Variants in VSNL1 observed in about 807,000 individuals in gnomAD.
The protein encoded by VSNL1 is visinin-like protein 1.
A neutral mutation model predicts 20.4 loss-of-function variants in VSNL1; 6 were observed. That is an observed-to-expected ratio of 0.29 (90% CI 0.16 to 0.58). The LOEUF (loss-of-function observed/expected upper bound fraction) is 0.58, where lower values mean the gene tolerates loss of function less well. Among genes scored for constraint, VSNL1 ranks in the 20% least tolerant of loss-of-function variants. The pLI is 0.90. For synonymous variants in VSNL1, 93 were observed against 86.4 expected (o/e 1.08, Z -0.42); for missense variants, 100 against 234.5 (o/e 0.43, Z 3.75).
At chr2:17,599,822 G>C (rs1664786554) in intron 2 of VSNL1, among the ~76,000 whole-genome samples, 1 of 152,224 alleles carries the variant, frequency 6.6e-6, no homozygotes, top group Admixed American at 6.5e-5. Flanking sequence ...GAGTCACTCA[G>C]CCCAGCCTTC....
chr2:17,628,611 C>T (rs1181751865), intron 2 of VSNL1, among the ~76,000 whole-genome samples: 2 of 152,142 alleles, frequency 1.3e-5, no homozygotes, highest in African/African-American at 4.8e-5. Flanking sequence ...ATGTGGTTTC[C>T]AAGTTGTTAG....
intron 2 of VSNL1, among the ~76,000 whole-genome samples, chr2:17,630,713 AAAT>A (rs1343533081): frequency 1.3e-5 from 2 of 152,236 alleles, no homozygotes; most frequent in African/African-American, 4.8e-5. Flanking sequence ...CCAAATAAAG[AAAT>A]AATAACTAGT....
At chr2:17,611,770 C>G (rs1024843641) in intron 2 of VSNL1, among the ~76,000 whole-genome samples, 1 of 152,202 alleles carries the variant, frequency 6.6e-6, no homozygotes, top group African/African-American at 2.4e-5. Flanking sequence ...CACTGCTATA[C>G]TCTTGTCCTG....
At chr2:17,593,921 A>G (rs1267650439) in intron 2 of VSNL1, among the ~76,000 whole-genome samples, 1 of 152,230 alleles carries the variant, frequency 6.6e-6, no homozygotes, top group African/African-American at 2.4e-5. Flanking sequence ...CAAAGAAAGT[A>G]CAGACAAACA....
At chr2:17,550,527 T>C (rs868495302) in intron 1 of VSNL1, among the ~76,000 whole-genome samples, 7 of 152,314 alleles carry the variant, frequency 4.6e-5, no homozygotes, top group South Asian at 4.1e-4. Context: ...CAAGCTCACG[T>C]GTTTGCTCTA....
intron 2 of VSNL1, among the ~76,000 whole-genome samples, chr2:17,592,646 T>C (rs1241885272): frequency 5.5e-4 from 1 of 1,832 alleles, no homozygotes; most frequent in Non-Finnish European, 8.2e-3. Flanking sequence ...CTCTCTTTTT[T>C]TTTTTTTTTT....
In VSNL1 at chr2:17,655,188, T is replaced by C. The variant is rs2103435618; in HGVS notation, c.379-9T>C. ...TGGTAATATCACCTACAATGCTTTT[T>C]TCCCCAAGGCTATCTACAAAATGGT... On this transcript the variant is annotated splice_polypyrimidine_tract_variant and intron_variant, in intron 3 of 3. Coordinates refer to ENST00000295156, the MANE Select transcript of VSNL1 (RefSeq NM_003385.5). This position sits in a 1 kb window ranked among gnomAD's most constrained non-coding sequence, Gnocchi z 5.2. 2 of 1,613,346 alleles carry C rather than the reference T, an allele frequency of 1.2e-6. No individual in the cohort carries two copies. Among genetic ancestry groups the C allele is most frequent in the East Asian group, 2.2e-5 (1 of 44,870 alleles).
intron 2 of VSNL1, among the ~76,000 whole-genome samples, chr2:17,612,839 C>T (rs2103394857): frequency 6.6e-6 from 1 of 152,302 alleles, no homozygotes; most frequent in South Asian, 2.1e-4. Flanking sequence ...TACATTCACT[C>T]CCTCAAGGAA....
chr2:17,547,926 A>G (rs927965776), intron 1 of VSNL1, among the ~76,000 whole-genome samples: 1 of 152,102 alleles, frequency 6.6e-6, no homozygotes, highest in African/African-American at 2.4e-5. Flanking sequence ...TTCAATAAAA[A>G]ACGTTTCAGG....
intron 2 of VSNL1, among the ~76,000 whole-genome samples, chr2:17,643,943 G>A (rs1336760356): frequency 3.3e-5 from 5 of 152,254 alleles, no homozygotes; most frequent in African/African-American, 1.2e-4. Flanking sequence ...ACAGAGGTGG[G>A]GACCAGACAC....
chr2:17,636,720 CTA>C (rs1157311994), intron 2 of VSNL1, among the ~76,000 whole-genome samples: 3 of 52,976 alleles, frequency 5.7e-5, no homozygotes, highest in South Asian at 4.0e-4. Context: ...TTATTAAAAA[CTA>C]TTTTTTTTTT....
chr2:17,592,885 TG>T (rs1266046135), intron 2 of VSNL1, among the ~76,000 whole-genome samples: 1 of 152,060 alleles, frequency 6.6e-6, no homozygotes, highest in Non-Finnish European at 1.5e-5. Context: ...TCTACTGCAG[TG>T]GTATTGTTTT....
At chr2:17,624,798 A>G (rs921161674) in intron 2 of VSNL1, among the ~76,000 whole-genome samples, 45 of 152,236 alleles carry the variant, frequency 3.0e-4, no homozygotes, top group African/African-American at 1.0e-3. Context: ...AACTCCCAGA[A>G]CTATAAGATA....
intron 1 of VSNL1, among the ~76,000 whole-genome samples, chr2:17,556,713 A>G (rs1663686690): frequency 6.6e-6 from 1 of 152,152 alleles, no homozygotes; most frequent in Admixed American, 6.5e-5. Context: ...CTTAGGCTGA[A>G]CATTTCTTGT....
chr2:17,652,100 G>A (rs1217275281), intron 3 of VSNL1, among the ~76,000 whole-genome samples: 1 of 152,130 alleles, frequency 6.6e-6, no homozygotes, highest in African/African-American at 2.4e-5. Flanking sequence ...TCTCTACTCT[G>A]GCTGGTGGGA....
intron 1 of VSNL1, among the ~76,000 whole-genome samples, chr2:17,568,424 T>G (rs1035302076): frequency 6.6e-6 from 1 of 152,150 alleles, no homozygotes; most frequent in African/African-American, 2.4e-5. Flanking sequence ...CATGCCACTA[T>G]GCCAGACAAG....
chr2:17,581,210 C>T (rs1664341925), intron 1 of VSNL1, among the ~76,000 whole-genome samples: 1 of 152,066 alleles, frequency 6.6e-6, no homozygotes, highest in Non-Finnish European at 1.5e-5. Flanking sequence ...ATATAAAGCC[C>T]TTCTTGTGTT....
Position 17,622,242 on chromosome 2 carries a change from G to C in VSNL1, c.163-27168G>C, listed in dbSNP as rs1489004638. 2.0e-5 allele frequency among the ~76,000 whole-genome samples: 3 copies of C among 151,354 alleles called. No individual in the cohort carries two copies. In the East Asian group the frequency reaches 5.8e-4, roughly 29 times the overall value. On this transcript the variant is annotated intron_variant, in intron 2 of 3. Coordinates refer to ENST00000295156, the MANE Select transcript of VSNL1 (RefSeq NM_003385.5). Reference sequence around the variant, plus strand: ...AAAAAAAAAAAATCAGGCTGGGCATGGTGCCTCACGCGTGTAATCCCAGCA... The same window carrying C: ...AAAAAAAAAAAATCAGGCTGGGCATCGTGCCTCACGCGTGTAATCCCAGCA...
chr2:17,572,825 C>G (rs1664113695), intron 1 of VSNL1, among the ~76,000 whole-genome samples: 1 of 152,220 alleles, frequency 6.6e-6, no homozygotes, highest in Non-Finnish European at 1.5e-5. Context: ...CTGGCAGTCC[C>G]TATTCATCCA....
Sources: gnomAD v4.1 joint callset for allele counts (sites outside exome capture counted in the v4.1 genomes callset) on GRCh38, gnomAD v4.1.1 for gene constraint, Gnocchi (gnomAD v3.1) non-coding constraint, MANE v1.5 for transcripts, NCBI Gene and HGNC (gene_info 2026-07-23, HGNC 2026-07-21) for gene names.